EXTL3: variants seen among roughly 807,000 people sequenced by gnomAD.
EXTL3 encodes the protein exostosin like glycosyltransferase 3.
A neutral mutation model predicts 69.3 loss-of-function variants in EXTL3; 27 were observed. The observed-to-expected ratio is 0.39, with a 90% CI of 0.29 to 0.54. The LOEUF is 0.54. Among genes scored for constraint, EXTL3 ranks in the 20% least tolerant of loss-of-function variants. The pLI, the probability that EXTL3 is intolerant of heterozygous loss-of-function variation, is 0.69. For synonymous variants in EXTL3, 511 were observed against 499.4 expected (o/e 1.02, Z -0.31); for missense variants, 1,003 against 1,231.8 (o/e 0.81, Z 2.78).
intron 1 of EXTL3, among the ~76,000 whole-genome samples, chr8:28,667,198 C>T (rs970726610): frequency 4.6e-5 from 7 of 152,202 alleles, no homozygotes; most frequent in Admixed American, 2.0e-4. Context: ...GGGGTCAAGA[C>T]TCAACCCTGA....
rs1175391387 is a variant in EXTL3 at position 28,751,947 on chromosome 8, G to T, written c.*1081G>T. On this transcript the variant is annotated 3_prime_UTR_variant, in exon 7 of 7. Transcript: ENST00000220562. Reference sequence around the variant, plus strand: ...CTTCGAGGAACCCACCCGGCTGGCCGGGAAGTTTTACAGCAAGGCGCCTGC... The same window carrying T: ...CTTCGAGGAACCCACCCGGCTGGCCTGGAAGTTTTACAGCAAGGCGCCTGC... 1 of 152,420 alleles carries T rather than the reference G, an allele frequency of 6.6e-6. No homozygotes were observed. Among genetic ancestry groups the T allele is most frequent in the Non-Finnish European group, 1.5e-5 (1 of 68,208 alleles). The allele number at this position is 152,420 out of a possible 1,614,324, so 9.4% of individuals were successfully genotyped here.
At position 28,754,143 on chromosome 8, in the gene EXTL3, T is replaced by G. The variant is rs1802070990; in HGVS notation, c.*3277T>G. 6.6e-6 allele frequency: 1 copy of G among 151,858 alleles called. No homozygotes were observed. The highest frequency in any genetic ancestry group is 6.6e-5 in the Admixed American group (1 of 15,234). The allele number at this position is 151,858 out of a possible 1,614,324, so 9.4% of individuals were successfully genotyped here. ...TGAATGGCTCGATTCGGTCCATAGG[T>G]CATGCCCCTGACCTATAGGTCACTA... On this transcript the variant is annotated 3_prime_UTR_variant, in exon 7 of 7. Transcript: ENST00000220562.
intron 1 of EXTL3, among the ~76,000 whole-genome samples, chr8:28,667,229 G>T (rs1373122964): frequency 1.3e-5 from 2 of 152,196 alleles, no homozygotes; most frequent in African/African-American, 2.4e-5. Context: ...GGCAGCTGGG[G>T]ATTTGTAGAC....
At chr8:28,647,936 G>A (rs1307738925) in intron 1 of EXTL3, among the ~76,000 whole-genome samples, 3 of 145,738 alleles carry the variant, frequency 2.1e-5, no homozygotes, top group Non-Finnish European at 3.0e-5. Flanking sequence ...TGGGTTGGGG[G>A]TGGGGGCACT....
chr8:28,676,834 T>A (rs756237782), intron 1 of EXTL3, among the ~76,000 whole-genome samples: 15 of 151,812 alleles, frequency 9.9e-5, no homozygotes, highest in Non-Finnish European at 1.8e-4. Flanking sequence ...ACCTGGAGAG[T>A]GTGTTGAAAC....
rs76551030 is a variant in EXTL3, at chr8:28,688,825, C to A, written c.-52-24632C>A. 3.0e-3 allele frequency among the ~76,000 whole-genome samples: 464 copies of A among 152,262 alleles called. 3 individuals are homozygous for A. Among genetic ancestry groups the A allele is most frequent in the African/African-American group, 0.011 (445 of 41,540 alleles). The stretch of plus-strand genomic sequence containing the variant: ...TAAAGGAAGGATATTAGATCACATT[C>A]AAAAATGGAGCACCTAGTTTCAGAA... On this transcript the variant is annotated intron_variant, in intron 1 of 6. Coordinates refer to the EXTL3 transcript ENST00000523149.
chr8:28,664,088 A>C (rs1286572212), intron 1 of EXTL3, among the ~76,000 whole-genome samples: 1 of 152,238 alleles, frequency 6.6e-6, no homozygotes, highest in Non-Finnish European at 1.5e-5. Flanking sequence ...CACAGTTGAC[A>C]GGCAGTGGGT....
At chr8:28,662,813 G>A (rs2130625670) in intron 1 of EXTL3, among the ~76,000 whole-genome samples, 1 of 152,266 alleles carries the variant, frequency 6.6e-6, no homozygotes. Context: ...TGGGGAGGCT[G>A]AGGTGGGAGC....
intron 2 of EXTL3, among the ~76,000 whole-genome samples, chr8:28,614,846 G>A (rs1010849699): frequency 6.6e-6 from 1 of 152,192 alleles, no homozygotes; most frequent in Non-Finnish European, 1.5e-5. Flanking sequence ...TACATGTGCA[G>A]GATATGCATG....
chr8:28,713,812 T>C (rs1021121811), intron 2 of EXTL3, among the ~76,000 whole-genome samples: 6 of 152,228 alleles, frequency 3.9e-5, no homozygotes, highest in African/African-American at 1.4e-4. Context: ...TTGTCAGGTG[T>C]TCTTTGTAAT....
intron 1 of EXTL3, among the ~76,000 whole-genome samples, chr8:28,687,276 G>C (rs1240119407): frequency 6.6e-6 from 1 of 152,174 alleles, no homozygotes; most frequent in Non-Finnish European, 1.5e-5. Flanking sequence ...AACCAGCCTG[G>C]CCAAGACAGT....
chr8:28,691,821 C>T (rs1427335642), intron 1 of EXTL3, among the ~76,000 whole-genome samples: 3 of 151,460 alleles, frequency 2.0e-5, no homozygotes, highest in African/African-American at 2.4e-5. Flanking sequence ...CACTTGAACC[C>T]GGGAGGCAGA....
chr8:28,751,977 G>C lies in EXTL3; in HGVS notation c.*1111G>C, dbSNP rs955955217. ...GTTTTACAGCAAGGCGCCTGCCTTG[G>C]GATAATTCCTTGGTGAAATTCACCT... On this transcript the variant is annotated 3_prime_UTR_variant, in exon 7 of 7. Coordinates refer to ENST00000220562, the MANE Select transcript of EXTL3 (RefSeq NM_001440.4). 6.6e-6 allele frequency: 1 copy of C among 152,416 alleles called. No individual in the cohort carries two copies. The highest frequency in any genetic ancestry group is 1.5e-5 in the Non-Finnish European group (1 of 68,234). The allele number at this position is 152,416 out of a possible 1,614,324, so 9.4% of individuals were successfully genotyped here. A position where few individuals can be genotyped will look rare whatever the true frequency, so the allele number is the denominator to read the frequency against.
At chr8:28,638,159 A>G (rs1456671036) in intron 1 of EXTL3, among the ~76,000 whole-genome samples, 1 of 151,934 alleles carries the variant, frequency 6.6e-6, no homozygotes, top group Non-Finnish European at 1.5e-5. Flanking sequence ...CTCTCCCTGT[A>G]CCCATCTTCT....
intron 2 of EXTL3, among the ~76,000 whole-genome samples, chr8:28,607,944 C>T (rs1806218915): frequency 6.6e-6 from 1 of 151,918 alleles, no homozygotes; most frequent in African/African-American, 2.4e-5. Flanking sequence ...AACCCCGTCT[C>T]TACTAAATAC....
At chr8:28,649,047 C>T (rs546986608) in intron 1 of EXTL3, among the ~76,000 whole-genome samples, 32 of 152,206 alleles carry the variant, frequency 2.1e-4, no homozygotes, top group South Asian at 6.2e-4. Flanking sequence ...TGCCCGCCAC[C>T]GCTCCCAGCT....
At chr8:28,653,890 T>C (rs985341404) in intron 1 of EXTL3, among the ~76,000 whole-genome samples, 2 of 152,204 alleles carry the variant, frequency 1.3e-5, no homozygotes, top group Non-Finnish European at 2.9e-5. Context: ...TCTTTATGAA[T>C]TTTAGAATGG....
intron 1 of EXTL3, chr8:28,631,468 T>C (rs1806569404): frequency 1.3e-5 from 2 of 152,234 alleles, no homozygotes; most frequent in Admixed American, 1.3e-4. Flanking sequence ...TTATTTTCTC[T>C]GTGCTACAGG....
intron 2 of EXTL3, among the ~76,000 whole-genome samples, chr8:28,610,552 A>C (rs949651029): frequency 3.9e-5 from 6 of 152,132 alleles, no homozygotes; most frequent in Admixed American, 3.9e-4. Flanking sequence ...CCAGGAACCA[A>C]AACAAAGAAA....
Sources: allele counts gnomAD v4.1 joint callset (sites outside exome capture counted in the v4.1 genomes callset), GRCh38; gene constraint gnomAD v4.1.1; transcripts MANE v1.5; gene names NCBI Gene and HGNC (gene_info 2026-07-23, HGNC 2026-07-21).